Variants in GLIS3 observed in about 807,000 individuals in gnomAD.
The protein encoded by GLIS3 is zinc finger protein GLIS3.
Under a neutral mutation model 78.6 loss-of-function variants are expected in GLIS3, and 53 were observed. The ratio of observed to expected loss-of-function variants is 0.67; its 90% CI spans 0.54 to 0.85. The LOEUF (loss-of-function observed/expected upper bound fraction) is 0.85. Ranked by LOEUF, GLIS3 falls within the 40% of genes least tolerant of loss-of-function variation. The pLI is 0.00. For missense variants in GLIS3, 1,703 were observed against 1,231.1 expected (o/e 1.38, Z -5.74); for synonymous variants, 684 against 509.9 (o/e 1.34, Z -4.60).
rs1363480768 is a variant in GLIS3, at chr9:4,279,322, T to TACACAC, written c.388+6715_388+6716insGTGTGT. The stretch of plus-strand genomic sequence containing the variant: ...CAAAAAAAAAAAAAAAAAATATATA[T>TACACAC]ATACACACACACACACACACACACA... On this transcript the variant is annotated intron_variant, in intron 2 of 10. Transcript: ENST00000381971. 3.5e-4 allele frequency among the ~76,000 whole-genome samples: 18 copies of TACACAC among 51,968 alleles called. No individual in the cohort carries two copies. The South Asian group carries it at 4.8e-3, about 14-fold the overall frequency. 34.1% of individuals were successfully genotyped at this position (51,968 alleles called of 152,430 possible).
chr9:4,214,993 C>G (rs1479301596), intron 2 of GLIS3, among the ~76,000 whole-genome samples: 1 of 152,190 alleles, frequency 6.6e-6, no homozygotes, highest in South Asian at 2.1e-4. Context: ...TGAGACAGCT[C>G]TCCCTGTACT....
intron 2 of GLIS3, among the ~76,000 whole-genome samples, chr9:4,231,388 T>A (rs1395235681): frequency 6.6e-6 from 1 of 152,172 alleles, no homozygotes; most frequent in Non-Finnish European, 1.5e-5. Context: ...TAAGGTTCGG[T>A]TGAAAGGCCT....
chr9:4,052,021 G>C lies in GLIS3; in HGVS notation c.1710+65747C>G, dbSNP rs186324886. ...ATTAGAGTGCATTGGGAGAGGCCCG[G>C]GTATAAAACACATCCTGTTCACTTC... On this transcript the variant is annotated intron_variant, in intron 4 of 10. Transcript: ENST00000381971. Among the ~76,000 whole-genome samples, 273 of 152,178 alleles carry C rather than the reference G, an allele frequency of 1.8e-3. 5 individuals are homozygous for C. The highest frequency in any genetic ancestry group is 9.7e-4 in the Non-Finnish European group (66 of 67,996).
At chr9:3,940,795 C>T (rs1306422862) in intron 4 of GLIS3, among the ~76,000 whole-genome samples, 1 of 152,166 alleles carries the variant, frequency 6.6e-6, no homozygotes, top group Admixed American at 6.5e-5. Flanking sequence ...TACCAAGCTC[C>T]TTGCTAGAAA....
chr9:3,900,725 T>C (rs911871457), intron 6 of GLIS3: 1 of 152,112 alleles, frequency 6.6e-6, no homozygotes, highest in Non-Finnish European at 1.5e-5. Context: ...AGACAAAATA[T>C]CAGAAAGTAA....
intron 2 of GLIS3, among the ~76,000 whole-genome samples, chr9:4,195,692 G>A (rs554325115): frequency 2.0e-5 from 3 of 152,374 alleles, no homozygotes; most frequent in South Asian, 2.1e-4. Context: ...GGGCAGCTCC[G>A]CCCATGGCCA....
In GLIS3 at chr9:4,133,718, A is replaced by G. The variant is rs1022372384; in HGVS notation, c.389-7777T>C. On this transcript the variant is annotated intron_variant, in intron 2 of 10. Coordinates refer to ENST00000381971, the MANE Select transcript of GLIS3 (RefSeq NM_001042413.2). ...ACATTGTTAGTTCTATTTATATTTT[A>G]TTAAAGAACTTGTCTCTCATATGGT... 7.9e-5 allele frequency among the ~76,000 whole-genome samples: 12 copies of G among 152,112 alleles called. No individual in the cohort carries two copies. In the South Asian group the frequency reaches 1.2e-3, roughly 16 times the overall value.
chr9:4,008,853 TGAG>T (rs1563943134), intron 4 of GLIS3, among the ~76,000 whole-genome samples: 1 of 151,954 alleles, frequency 6.6e-6, no homozygotes, highest in Non-Finnish European at 1.5e-5. Flanking sequence ...GAAATGGAGA[TGAG>T]GAGAAGTGAG....
intron 4 of GLIS3, among the ~76,000 whole-genome samples, chr9:4,080,136 GA>G (rs760147708): frequency 9.8e-5 from 15 of 152,344 alleles, no homozygotes; most frequent in Admixed American, 3.3e-4. Flanking sequence ...TGACTGGGTT[GA>G]AAACCGTGTG....
chr9:4,458,550 G>A, the GLIS3 span, among the ~76,000 whole-genome samples: 1 of 152,328 alleles, frequency 6.6e-6, no homozygotes, highest in East Asian at 1.9e-4. Flanking sequence ...AGCACTTTGA[G>A]AGGCCAAGGC....
chr9:4,405,618 C>T, the GLIS3 span, among the ~76,000 whole-genome samples: 2 of 152,226 alleles, frequency 1.3e-5, no homozygotes, highest in Non-Finnish European at 1.5e-5. Context: ...CAAGACCCAA[C>T]GGCTTCACTT....
intron 2 of GLIS3, among the ~76,000 whole-genome samples, chr9:4,231,575 C>T (rs1008678616): frequency 2.6e-5 from 4 of 151,988 alleles, no homozygotes; most frequent in African/African-American, 9.7e-5. Context: ...TATGATGGAA[C>T]AGAAAAACAT....
chr9:4,365,260 C>A, the GLIS3 span, among the ~76,000 whole-genome samples: 1 of 152,078 alleles, frequency 6.6e-6, no homozygotes, highest in African/African-American at 2.4e-5. Context: ...AGTTCATATG[C>A]AAATTAGAAA....
the GLIS3 span, among the ~76,000 whole-genome samples, chr9:4,373,336 G>C: frequency 6.6e-6 from 1 of 152,134 alleles, no homozygotes; most frequent in Non-Finnish European, 1.5e-5. Flanking sequence ...AATCACCTGG[G>C]GGAAATTGGG....
intron 4 of GLIS3, among the ~76,000 whole-genome samples, chr9:3,959,178 A>T (rs370997035): frequency 6.6e-6 from 1 of 152,190 alleles, no homozygotes; most frequent in Non-Finnish European, 1.5e-5. Flanking sequence ...TAATGGGCAG[A>T]GCCCTCTTGA....
intron 2 of GLIS3, among the ~76,000 whole-genome samples, chr9:4,128,924 G>A (rs1285192121): frequency 3.9e-5 from 6 of 152,192 alleles, no homozygotes; most frequent in East Asian, 1.9e-4. Context: ...GCCAAGAAGC[G>A]ATCACTGGTC....
At chr9:4,324,156 C>T (rs1409690253) in intron 2 of GLIS3, among the ~76,000 whole-genome samples, 1 of 152,174 alleles carries the variant, frequency 6.6e-6, no homozygotes. Context: ...TCTGTGTTCC[C>T]TAAACTGTGC....
chr9:3,958,434 T>C (rs1817308011), intron 4 of GLIS3, among the ~76,000 whole-genome samples: 1 of 152,134 alleles, frequency 6.6e-6, no homozygotes, highest in Admixed American at 6.5e-5. Flanking sequence ...AGTTAAGCAA[T>C]AATGCCCACA....
chr9:4,251,254 G>C (rs1824347949), intron 2 of GLIS3, among the ~76,000 whole-genome samples: 1 of 152,100 alleles, frequency 6.6e-6, no homozygotes, highest in African/African-American at 2.4e-5. Context: ...TCTCTTTGTA[G>C]GTCTCTAAGA....
Sources: gnomAD v4.1 joint callset for allele counts (sites outside exome capture counted in the v4.1 genomes callset) on GRCh38, gnomAD v4.1.1 for gene constraint, MANE v1.5 for transcripts, NCBI Gene and HGNC (gene_info 2026-07-23, HGNC 2026-07-21) for gene names.